PIAS1: variants seen among roughly 807,000 people sequenced by gnomAD.
The protein encoded by PIAS1 is E3 SUMO-protein ligase PIAS1.
In PIAS1, 6 loss-of-function variants were observed where a neutral mutation model predicts 71.3. The ratio of observed to expected loss-of-function variants is 0.08; its 90% CI spans 0.05 to 0.17. The LOEUF (loss-of-function observed/expected upper bound fraction) is 0.17, where lower values mean the gene tolerates loss of function less well. Ranked by LOEUF, PIAS1 falls within the 10% of genes least tolerant of loss-of-function variation. The pLI is 1.00. For missense variants in PIAS1, 555 were observed against 793.6 expected (o/e 0.70, Z 3.61); for synonymous variants, 303 against 292.9 (o/e 1.03, Z -0.35).
At chr15:68,066,537 A>G (rs964950384) in intron 1 of PIAS1, among the ~76,000 whole-genome samples, 1 of 152,198 alleles carries the variant, frequency 6.6e-6, no homozygotes, top group African/African-American at 2.4e-5. Context: ...ATTGATTTGC[A>G]TTCTACCTAT....
intron 2 of PIAS1, among the ~76,000 whole-genome samples, chr15:68,139,332 A>T (rs1168997732): frequency 2.6e-5 from 4 of 152,190 alleles, no homozygotes; most frequent in East Asian, 1.9e-4. Context: ...CATCTCACAC[A>T]TGTCTAAAAG....
intron 1 of PIAS1, among the ~76,000 whole-genome samples, chr15:68,076,843 GA>G (rs2092171291): frequency 6.6e-6 from 1 of 152,196 alleles, no homozygotes; most frequent in Non-Finnish European, 1.5e-5. Flanking sequence ...GGGATATGGA[GA>G]TGAGTGTTTA....
At position 68,171,533 on chromosome 15, in the gene PIAS1, G is replaced by A. The variant is rs982523920; in HGVS notation, c.1009-2199G>A. ...GTGTAGAGTTGGGAGTACACAGAAG[G>A]GAGTTACCAGTTTTTACTCTAGGTC... On this transcript the variant is annotated intron_variant, in intron 8 of 13. Transcript: ENST00000249636. The surrounding 1 kb of genome is among the most constrained non-coding windows in gnomAD (Gnocchi z 4.4). Among the ~76,000 whole-genome samples, 1 of 152,172 alleles carries A rather than the reference G, an allele frequency of 6.6e-6. No individual in the cohort carries two copies. The highest frequency in any genetic ancestry group is 2.4e-5 in the African/African-American group (1 of 41,498).
At chr15:68,125,938 A>G (rs974953511) in intron 2 of PIAS1, among the ~76,000 whole-genome samples, 5 of 152,078 alleles carry the variant, frequency 3.3e-5, no homozygotes, top group African/African-American at 9.7e-5. Flanking sequence ...GCCTCAAGCA[A>G]TCCTCCTGCC....
Position 68,086,470 on chromosome 15 carries a change from G to A in PIAS1, c.189G>A (p.Arg63=), listed in dbSNP as rs1427218680. The change falls in exon 2 of 14, where the codon CGG becomes CGA. Residue 63 remains arginine, a synonymous_variant. Transcript: ENST00000249636. The surrounding 1 kb of genome is among the most constrained non-coding windows in gnomAD (Gnocchi z 7.2). The part of the protein sequence containing the change: ...VQMKIKELYR[R]RFPQKIMTPA... ...TGAAAATTAAGGAACTCTATAGGCG[G>A]CGGTTCCCACAGAAAATCATGACGC... The A allele has an allele frequency of 1.2e-6, 2 of 1,613,918 alleles. No individual in the cohort carries two copies. Among genetic ancestry groups the A allele is most frequent in the Admixed American group, 3.3e-5 (2 of 60,002 alleles).
In PIAS1 at chr15:68,167,340, TTAA is replaced by T. The variant is rs753341865; in HGVS notation, c.1008+2542_1008+2544del. 6.4e-4 allele frequency among the ~76,000 whole-genome samples: 97 copies of T among 152,242 alleles called. No individual in the cohort carries two copies. The highest frequency in any genetic ancestry group is 6.8e-3 in the Middle Eastern group (2 of 294). ...GTATGTTTTTACTCAAAAATAAAAT[TTAA>T]TAATACCTATATATCAAATTTATGG... On this transcript the variant is annotated intron_variant, in intron 8 of 13. Coordinates refer to ENST00000249636, the MANE Select transcript of PIAS1 (RefSeq NM_016166.3). The surrounding 1 kb of genome is among the most constrained non-coding windows in gnomAD (Gnocchi z 4.4).
intron 1 of PIAS1, among the ~76,000 whole-genome samples, chr15:68,082,990 A>G (rs1348507894): frequency 6.6e-6 from 1 of 152,124 alleles, no homozygotes; most frequent in African/African-American, 2.4e-5. Flanking sequence ...TTCAAAATAT[A>G]TACAGTTCTG....
rs549151518 is a variant in PIAS1 at position 68,164,909 on chromosome 15, T to G, written c.1008+105T>G. On this transcript the variant is annotated intron_variant, in intron 8 of 13. Coordinates refer to ENST00000249636, the MANE Select transcript of PIAS1 (RefSeq NM_016166.3). ...AAATTCTGTTTGCTTCTAAAATATG[T>G]CCACCATTGTTACAGTTTATGAAAA... 1.0e-4 allele frequency: 64 copies of G among 634,270 alleles called. 2 individuals are homozygous for G. The South Asian group carries it at 1.3e-3, about 13-fold the overall frequency. 39.3% of individuals were successfully genotyped at this position (634,270 alleles called of 1,614,324 possible).
chr15:68,110,741 GA>G (rs1016991001), intron 2 of PIAS1, among the ~76,000 whole-genome samples: 56 of 146,270 alleles, frequency 3.8e-4, no homozygotes, highest in Admixed American at 4.1e-4. Context: ...CCTGTCTCCA[GA>G]AAAAAAAAAG....
Position 68,185,483 on chromosome 15 carries a change from C to T in PIAS1, c.1662+1816C>T, listed in dbSNP as rs1265298878. Among the ~76,000 whole-genome samples, 1 of 152,126 alleles carries T rather than the reference C, an allele frequency of 6.6e-6. No homozygotes were observed. The highest frequency in any genetic ancestry group is 1.5e-5 in the Non-Finnish European group (1 of 68,012). On this transcript the variant is annotated intron_variant, in intron 13 of 13. Coordinates refer to ENST00000249636, the MANE Select transcript of PIAS1 (RefSeq NM_016166.3). This position sits in a 1 kb window ranked among gnomAD's most constrained non-coding sequence, Gnocchi z 4.4. ...TAGATGAGGATGACATTGAGAAGCTCCTAGATGTGGTTCCTGAGGAATTGA... is the reference window on the plus strand; with the variant it reads ...TAGATGAGGATGACATTGAGAAGCTTCTAGATGTGGTTCCTGAGGAATTGA...
In PIAS1 at chr15:68,086,355, A is replaced by G. The variant is rs896136275; in HGVS notation, c.74A>G (p.Tyr25Cys). ...TCTGAACTCCAAGTACTGTTGGGCT[A>G]CGCCGGGAGAAACAAGCACGGACGC... ...RVSELQVLLGYAGRNKHGRKH... is the reference protein window; with the variant it reads ...RVSELQVLLGCAGRNKHGRKH... Residue 25 changes from tyrosine to cysteine, a missense_variant, in exon 2 of 14, where the codon TAC (tyrosine) becomes TGC (cysteine). Tyr to Cys is a radical substitution (Grantham distance 194, BLOSUM62 -2). This residue lies in a region of PIAS1 where 48 missense variants were observed against 86.6 expected (regional missense o/e 0.55). Transcript: ENST00000249636. This position sits in a 1 kb window ranked among gnomAD's most constrained non-coding sequence, Gnocchi z 7.2. 4 of 1,612,778 alleles carry G rather than the reference A, an allele frequency of 2.5e-6. No individual in the cohort carries two copies.
intron 1 of PIAS1, among the ~76,000 whole-genome samples, chr15:68,073,255 G>T (rs2092121132): frequency 6.6e-6 from 1 of 152,160 alleles, no homozygotes; most frequent in African/African-American, 2.4e-5. Context: ...CTGACCTCGT[G>T]ATCTACCCAT....
intron 1 of PIAS1, chr15:68,056,054 A>C (rs898244108): frequency 1.8e-6 from 1 of 556,656 alleles, no homozygotes; most frequent in African/African-American, 1.9e-5. Flanking sequence ...TAGGAATTTG[A>C]ATATTTGGAG....
At chr15:68,070,632 T>A (rs1363772781) in intron 1 of PIAS1, among the ~76,000 whole-genome samples, 1 of 152,196 alleles carries the variant, frequency 6.6e-6, no homozygotes, top group Non-Finnish European at 1.5e-5. Flanking sequence ...TAATTAAGAT[T>A]TGCTGTAAGT....
chr15:68,068,852 A>G (rs1379333158), intron 1 of PIAS1, among the ~76,000 whole-genome samples: 1 of 151,614 alleles, frequency 6.6e-6, no homozygotes, highest in African/African-American at 2.4e-5. Context: ...GCTTTTTGGC[A>G]AGACCATTAA....
intron 2 of PIAS1, among the ~76,000 whole-genome samples, chr15:68,111,810 A>G (rs2092525160): frequency 1.3e-5 from 2 of 152,172 alleles, no homozygotes; most frequent in African/African-American, 4.8e-5. Flanking sequence ...GGAATATTTG[A>G]AATATGACCA....
At chr15:68,117,056 G>A (rs2141015642) in intron 2 of PIAS1, among the ~76,000 whole-genome samples, 1 of 152,118 alleles carries the variant, frequency 6.6e-6, no homozygotes, top group South Asian at 2.1e-4. Flanking sequence ...CTCCCTTCTA[G>A]CGTTTTTTTG....
chr15:68,100,450 A>G (rs773205310), intron 2 of PIAS1, among the ~76,000 whole-genome samples: 5 of 152,112 alleles, frequency 3.3e-5, no homozygotes, highest in Admixed American at 6.5e-5. Flanking sequence ...GGTTCATCCA[A>G]GTTGCTGTGT....
intron 2 of PIAS1, among the ~76,000 whole-genome samples, chr15:68,112,677 CAAT>C (rs1402279745): frequency 6.6e-6 from 1 of 152,094 alleles, no homozygotes; most frequent in East Asian, 1.9e-4. Flanking sequence ...AAATTTAAGA[CAAT>C]AAGATGTTTC....
Sources: gnomAD v4.1 joint callset for allele counts (sites outside exome capture counted in the v4.1 genomes callset) on GRCh38, gnomAD v4.1.1 for gene constraint, gnomAD v4.1.1 regional missense constraint, Gnocchi (gnomAD v3.1) non-coding constraint, MANE v1.5 for transcripts, NCBI Gene and HGNC (gene_info 2026-07-23, HGNC 2026-07-21) for gene names.